The following RPTOR variants were observed in gnomAD, a reference collection of about 807,000 sequenced individuals.
RPTOR encodes the protein regulatory-associated protein of mTOR.
In RPTOR, 21 loss-of-function variants were observed where a neutral mutation model predicts 169.9. The observed-to-expected ratio is 0.12, with a 90% CI of 0.09 to 0.18. The LOEUF (loss-of-function observed/expected upper bound fraction) is 0.18, where lower values mean the gene tolerates loss of function less well. Ranked by LOEUF, RPTOR falls within the 10% of genes least tolerant of loss-of-function variation. The pLI, the probability that RPTOR is intolerant of heterozygous loss-of-function variation, is 1.00. For synonymous variants in RPTOR, 732 were observed against 753.2 expected (o/e 0.97, Z 0.46); for missense variants, 1,133 against 1,855.9 (o/e 0.61, Z 7.16).
rs761542068 is a variant in RPTOR, at chr17:80,964,236, T to C, written c.3940-26T>C. 85 of 1,017,844 alleles carry C rather than the reference T, an allele frequency of 8.4e-5. No individual in the cohort carries two copies. In the East Asian group the frequency reaches 2.2e-3, roughly 27 times the overall value. The allele number at this position is 1,017,844 out of a possible 1,614,324, so 63.1% of individuals were successfully genotyped here. A position where few individuals can be genotyped will look rare whatever the true frequency, so the allele number is the denominator to read the frequency against. On this transcript the variant is annotated intron_variant, in intron 33 of 33. Coordinates refer to ENST00000306801, the MANE Select transcript of RPTOR (RefSeq NM_020761.3). ...CAGTGTCTGCCCGCACCTGAACCCC[T>C]GCTCACCCCTTCTCTCTCCTTGCAG...
chr17:80,684,159 G>A (rs963713527), intron 3 of RPTOR, among the ~76,000 whole-genome samples: 5 of 152,148 alleles, frequency 3.3e-5, no homozygotes, highest in Admixed American at 6.5e-5. Context: ...CCTCTGTTCC[G>A]GGCTGTTATT....
chr17:80,833,288 G>C (rs1348242945), intron 9 of RPTOR, among the ~76,000 whole-genome samples: 1 of 152,214 alleles, frequency 6.6e-6, no homozygotes, highest in Non-Finnish European at 1.5e-5. Flanking sequence ...CAACAGCTTA[G>C]AAAGTCCCTC....
At position 80,964,935 on chromosome 17, in the gene RPTOR, C is replaced by G. The variant is rs1052801245; in HGVS notation, c.*605C>G. 1 of 233,694 alleles carries G rather than the reference C, an allele frequency of 4.3e-6. No individual in the cohort carries two copies. Among genetic ancestry groups the G allele is most frequent in the African/African-American group, 2.2e-5 (1 of 45,342 alleles). The allele number at this position is 233,694 out of a possible 1,614,324, so 14.5% of individuals were successfully genotyped here. ...AACTGGCGGGTGTGAAGGAAGCCGCCCAGGGGTCCGGGCTGTCCTTGGCCG... is the reference window on the plus strand; with the variant it reads ...AACTGGCGGGTGTGAAGGAAGCCGCGCAGGGGTCCGGGCTGTCCTTGGCCG... On this transcript the variant is annotated 3_prime_UTR_variant, in exon 34 of 34. Coordinates refer to ENST00000306801, the MANE Select transcript of RPTOR (RefSeq NM_020761.3).
Position 80,567,853 on chromosome 17 carries a change from T to TA in RPTOR, c.162+22065dup, listed in dbSNP as rs530902947. 4.5e-4 allele frequency among the ~76,000 whole-genome samples: 68 copies of TA among 151,816 alleles called. 1 individual carries two copies. In the East Asian group the frequency reaches 9.9e-3, roughly 22 times the overall value. Reference sequence around the variant, plus strand: ...AAATAAAAGTCCATTATCTTAGAAATAAATTTTAAAATAAGAATATCTCTT... The same window carrying TA: ...AAATAAAAGTCCATTATCTTAGAAATAAAATTTTAAAATAAGAATATCTCTT... On this transcript the variant is annotated intron_variant, in intron 1 of 33. Transcript: ENST00000306801.
At chr17:80,790,984 A>T (rs190853875) in intron 6 of RPTOR, among the ~76,000 whole-genome samples, 1 of 152,184 alleles carries the variant, frequency 6.6e-6, no homozygotes, top group Admixed American at 6.5e-5. Flanking sequence ...CCCAGCTCTG[A>T]CCTGTAGGAT....
At chr17:80,854,190 C>T (rs1469944636) in intron 11 of RPTOR, among the ~76,000 whole-genome samples, 2 of 152,154 alleles carry the variant, frequency 1.3e-5, no homozygotes, top group African/African-American at 2.4e-5. Context: ...TCCAAGAAAT[C>T]CAGATGAAAA....
chr17:80,797,806 T>C (rs564533337), intron 7 of RPTOR, among the ~76,000 whole-genome samples: 1 of 152,236 alleles, frequency 6.6e-6, no homozygotes, highest in Non-Finnish European at 1.5e-5. Context: ...GCTCAGACCC[T>C]CTTGGCCAGC....
intron 7 of RPTOR, among the ~76,000 whole-genome samples, chr17:80,794,095 G>T (rs1269228062): frequency 2.0e-5 from 3 of 152,172 alleles, no homozygotes; most frequent in Non-Finnish European, 4.4e-5. Context: ...TGGTAAATTG[G>T]ACTTCATCCA....
At chr17:80,917,873 G>T (rs1450856101) in intron 21 of RPTOR, among the ~76,000 whole-genome samples, 1 of 152,100 alleles carries the variant, frequency 6.6e-6, no homozygotes, top group Non-Finnish European at 1.5e-5. Context: ...TCCCACCCCT[G>T]CCTGGTTTCA....
intron 1 of RPTOR, among the ~76,000 whole-genome samples, chr17:80,618,585 C>T (rs4889776): frequency 0.078 from 11,855 of 152,168 alleles, 573 homozygotes; most frequent in Middle Eastern, 0.12. Context: ...TTCCTCTTCT[C>T]GTTTCCTTTT....
At chr17:80,734,478 G>C (rs1222591195) in intron 5 of RPTOR, among the ~76,000 whole-genome samples, 2 of 152,240 alleles carry the variant, frequency 1.3e-5, no homozygotes, top group African/African-American at 4.8e-5. Context: ...GAGACCATCA[G>C]TATTTGAAGC....
Position 80,633,456 on chromosome 17 carries a change from G to T in RPTOR, c.265+7663G>T, listed in dbSNP as rs72858296. Among the ~76,000 whole-genome samples, 1 of 152,324 alleles carries T rather than the reference G, an allele frequency of 6.6e-6. No homozygotes were observed. Among genetic ancestry groups the T allele is most frequent in the Non-Finnish European group, 1.5e-5 (1 of 68,030 alleles). On this transcript the variant is annotated intron_variant, in intron 2 of 33. Transcript: ENST00000306801. The surrounding 1 kb of genome is among the most constrained non-coding windows in gnomAD (Gnocchi z 4.1). Reference sequence around the variant, plus strand: ...ATTCCGTGACCCTCCTCACCCTGGCGCTTGAAGGTGGCAGTCTCTTTGTTT... The same window carrying T: ...ATTCCGTGACCCTCCTCACCCTGGCTCTTGAAGGTGGCAGTCTCTTTGTTT...
At chr17:80,758,653 C>T (rs574055211) in intron 6 of RPTOR, among the ~76,000 whole-genome samples, 92 of 152,206 alleles carry the variant, frequency 6.0e-4, no homozygotes, top group Non-Finnish European at 1.2e-3. Context: ...TGGACACTGC[C>T]GAGAAACAGG....
intron 3 of RPTOR, among the ~76,000 whole-genome samples, chr17:80,691,995 A>G (rs988591771): frequency 1.3e-5 from 2 of 152,238 alleles, no homozygotes; most frequent in Admixed American, 1.3e-4. Flanking sequence ...TTCAGAAAGC[A>G]ACACCAGCAC....
At chr17:80,694,911 ACCACGGGCAGACACAGTG>A (rs2066023656) in intron 3 of RPTOR, among the ~76,000 whole-genome samples, 2 of 152,090 alleles carry the variant, frequency 1.3e-5, no homozygotes, top group African/African-American at 4.8e-5. Flanking sequence ...GAGACTCAGC[ACCACGGGCAGACACAGTG>A]CCACGGGCAG....
At position 80,845,164 on chromosome 17, in the gene RPTOR, C is replaced by G. The variant is rs1288783832; in HGVS notation, c.1213-1309C>G. ...CTCTCCAGCCGCAGGCCCAGCAGCC[C>G]TGCTGCCCACCTGCTCCATGGCACC... On this transcript the variant is annotated intron_variant, in intron 10 of 33. Coordinates refer to ENST00000306801, the MANE Select transcript of RPTOR (RefSeq NM_020761.3). This position sits in a 1 kb window ranked among gnomAD's most constrained non-coding sequence, Gnocchi z 5.4. 6.6e-6 allele frequency among the ~76,000 whole-genome samples: 1 copy of G among 152,046 alleles called. No homozygotes were observed. The highest frequency in any genetic ancestry group is 1.5e-5 in the Non-Finnish European group (1 of 67,992).
chr17:80,719,321 C>T (rs979534052), intron 4 of RPTOR, among the ~76,000 whole-genome samples: 4 of 152,070 alleles, frequency 2.6e-5, no homozygotes, highest in African/African-American at 9.7e-5. Context: ...TCCATTATTC[C>T]AAGGAGTCTG....
chr17:80,665,409 TTTCC>T (rs1567846142), intron 3 of RPTOR, among the ~76,000 whole-genome samples: 104 of 9,776 alleles, frequency 0.011, 6 homozygotes, highest in African/African-American at 0.015. Flanking sequence ...TTTCCTTTCC[TTTCC>T]TTTCCTTTCC....
At chr17:80,944,990 CA>C (rs530408210) in intron 25 of RPTOR, among the ~76,000 whole-genome samples, 31,859 of 92,848 alleles carry the variant, frequency 0.34, 3,584 homozygotes, top group Middle Eastern at 0.46. Flanking sequence ...GACTCCATCT[CA>C]AAAAAAAAAA....
Sources: gnomAD v4.1 joint callset for allele counts (sites outside exome capture counted in the v4.1 genomes callset) on GRCh38, gnomAD v4.1.1 for gene constraint, Gnocchi (gnomAD v3.1) non-coding constraint, MANE v1.5 for transcripts, NCBI Gene and HGNC (gene_info 2026-07-23, HGNC 2026-07-21) for gene names.